ZNF875: variants seen among roughly 807,000 people sequenced by gnomAD.
The protein encoded by ZNF875 is zinc finger protein 875.
A neutral mutation model predicts 11.2 loss-of-function variants in ZNF875; 14 were observed. The ratio of observed to expected loss-of-function variants is 1.26; its 90% confidence interval spans 0.83 to 1.96. The LOEUF (loss-of-function observed/expected upper bound fraction) is 1.96, where lower values mean the gene tolerates loss of function less well. Ranked by LOEUF, ZNF875 falls within the 30% of genes most tolerant of loss-of-function variation. ZNF875 has a pLI of 0.00. For synonymous variants in ZNF875, 301 were observed against 281.1 expected, an observed-to-expected ratio of 1.07 and a Z score of -0.71; for missense variants, 752 against 760.4, an observed-to-expected ratio of 0.99 and a Z score of 0.13.
At chr19:37,337,262 C>G (rs1343590475) in intron 2 of ZNF875, 1 of 152,206 alleles carries the variant, frequency 6.6e-6, no homozygotes, top group Non-Finnish European at 1.5e-5. Flanking sequence ...CTACCTGACC[C>G]CTGAAGGGTT....
chr19:37,359,698 G>T, intron 4 of ZNF875: 1 of 221,366 alleles, frequency 4.5e-6, no homozygotes, highest in Non-Finnish European at 9.0e-6. Flanking sequence ...CACCATGCCT[G>T]GCCCTTTTCA....
At chr19:37,344,615 A>C in intron 2 of ZNF875, 1 of 1,285,968 alleles carries the variant, frequency 7.8e-7, no homozygotes, top group East Asian at 2.3e-5. Context: ...TTCAGCTGGC[A>C]AGCAGATGAA....
intron 2 of ZNF875, among the ~76,000 whole-genome samples, chr19:37,323,304 CCA>C (rs2031846983): frequency 6.6e-6 from 1 of 152,054 alleles, no homozygotes; most frequent in Non-Finnish European, 1.5e-5. Flanking sequence ...CAGGTGCCCA[CCA>C]CCACGCCTGG....
chr19:37,333,605 G>T (rs761913389), upstream of ZNF875, among the ~76,000 whole-genome samples: 17 of 152,056 alleles, frequency 1.1e-4, no homozygotes, highest in Non-Finnish European at 2.4e-4. Flanking sequence ...TTGTGGGTGT[G>T]GCTTTGGAGG....
intron 2 of ZNF875, among the ~76,000 whole-genome samples, chr19:37,323,155 ATT>A (rs552569863): frequency 0.018 from 2,478 of 139,802 alleles, 65 homozygotes; most frequent in African/African-American, 0.067. Context: ...ACGGTCTGAT[ATT>A]TCCTTTTTTT....
chr19:37,333,535 G>A (rs1460862196), upstream of ZNF875, among the ~76,000 whole-genome samples: 1 of 152,220 alleles, frequency 6.6e-6, no homozygotes, highest in East Asian at 1.9e-4. Context: ...GAGGGGGTAG[G>A]GTGTGAAGAT....
At position 37,342,102 on chromosome 19, in the gene ZNF875, A is replaced by G. The variant is rs186125472; in HGVS notation, c.34-5088A>G. Among the ~76,000 whole-genome samples, 164 of 152,330 alleles carry G rather than the reference A, an allele frequency of 1.1e-3. 1 individual carries two copies. The highest frequency in any genetic ancestry group is 3.8e-3 in the African/African-American group (156 of 41,582). On this transcript the variant is annotated intron_variant, in intron 2 of 4. Coordinates refer to ENST00000392153, the MANE Select transcript of ZNF875 (RefSeq NM_001353803.2). The stretch of plus-strand genomic sequence containing the variant: ...GTGTCGGTGCTATGGGACAATGCCC[A>G]TAAGAATCTCAGAAGCCTTTTTGTC...
At chr19:37,334,548 T>C, upstream of ZNF875, 1 of 370,358 alleles carries the variant, frequency 2.7e-6, no homozygotes, top group Non-Finnish European at 5.4e-6. Flanking sequence ...CAAAGCCGAC[T>C]TCTCCGCCTC....
rs1162641113 is a variant in ZNF875 at position 37,362,109 on chromosome 19, A to C, written c.257A>C (p.Glu86Ala). 3 of 1,608,002 alleles carry C rather than the reference A, an allele frequency of 1.9e-6. No individual in the cohort carries two copies. In the African/African-American group the frequency reaches 4.0e-5, roughly 22 times the overall value. ...TCTGAAAATGTTCTTTCTTCAGCAGAATCGAAGCCAGAAATTCAACTTAGT... is the reference window on the plus strand; with the variant it reads ...TCTGAAAATGTTCTTTCTTCAGCAGCATCGAAGCCAGAAATTCAACTTAGT... Reference protein sequence around the residue: ...ERKCPLDLCPESKPEIQLSPS... With the variant: ...ERKCPLDLCPASKPEIQLSPS... The change falls in exon 5 of 5, where the codon GAA (glutamate) becomes GCA (alanine). Residue 86 changes from glutamate to alanine, a missense_variant and splice_region_variant. Transcript: ENST00000392153.
chr19:37,326,377 C>T (rs1298729492), intron 4 of ZNF875, among the ~76,000 whole-genome samples: 1 of 152,128 alleles, frequency 6.6e-6, no homozygotes, highest in Non-Finnish European at 1.5e-5. Flanking sequence ...TCGTGTCCCT[C>T]CTCTCTTCCT....
chr19:37,319,368 T>TATATATATATAA (rs1390266781), intron 1 of ZNF875, among the ~76,000 whole-genome samples: 1 of 144,020 alleles, frequency 6.9e-6, no homozygotes, highest in East Asian at 2.0e-4. Flanking sequence ...TATATATATA[T>TATATATATATAA]AATAAAAATG....
In ZNF875 at chr19:37,323,363, C is replaced by T. The variant is rs189995472; in HGVS notation, c.-698-170C>T. ...TGGAGACGGGGTTTCATCGTGTTGG[C>T]CAGGCTGGTCTCGAACTCCTGACCT... is the stretch of plus-strand genomic sequence containing the variant. On this transcript the variant is annotated intron_variant, in intron 2 of 5. Transcript: ENST00000544914. Among the ~76,000 whole-genome samples, 13 of 152,086 alleles carry T rather than the reference C, an allele frequency of 8.5e-5. No homozygotes were observed. In the East Asian group the frequency reaches 2.5e-3, roughly 30 times the overall value.
upstream of ZNF875, among the ~76,000 whole-genome samples, chr19:37,334,363 C>G (rs1211659071): frequency 6.6e-6 from 1 of 152,240 alleles, no homozygotes; most frequent in African/African-American, 2.4e-5. Flanking sequence ...TGGCCACCCG[C>G]AGAGCACCGG....
intron 1 of ZNF875, 62 bp from the exon 2 acceptor site, chr19:37,335,107 G>A (rs1216171008): frequency 9.1e-6 from 6 of 662,292 alleles, no homozygotes; most frequent in African/African-American, 3.6e-5. Context: ...AGCGGACTGC[G>A]CTTCACTTCG....
At chr19:37,357,330 G>A (rs948897161) in intron 4 of ZNF875, among the ~76,000 whole-genome samples, 34 of 152,088 alleles carry the variant, frequency 2.2e-4, no homozygotes, top group African/African-American at 8.2e-4. Flanking sequence ...ATGAATTTTA[G>A]AATTGTTTTT....
chr19:37,325,988 C>T (rs758508043), intron 4 of ZNF875, among the ~76,000 whole-genome samples: 1 of 151,948 alleles, frequency 6.6e-6, no homozygotes, highest in Non-Finnish European at 1.5e-5. Flanking sequence ...GGATTACACG[C>T]GTGAGCCACT....
intron 4 of ZNF875, among the ~76,000 whole-genome samples, chr19:37,352,530 C>T (rs2038096387): frequency 6.6e-6 from 1 of 152,156 alleles, no homozygotes; most frequent in Admixed American, 6.5e-5. Context: ...AGACGTGAGC[C>T]ACCATGTCTG....
chr19:37,354,241 C>T (rs1336773842), intron 4 of ZNF875, among the ~76,000 whole-genome samples: 11 of 71,024 alleles, frequency 1.5e-4, no homozygotes, highest in Admixed American at 8.6e-4. Flanking sequence ...CTCCTCTCCC[C>T]TCCTCTCCCC....
At chr19:37,333,607 C>CTTTT (rs993585332), upstream of ZNF875, among the ~76,000 whole-genome samples, 2 of 151,906 alleles carry the variant, frequency 1.3e-5, no homozygotes, top group African/African-American at 4.8e-5. Context: ...GTGGGTGTGG[C>CTTTT]TTTGGAGGGA....
Sources: gnomAD v4.1 joint callset for allele counts (sites outside exome capture counted in the v4.1 genomes callset) on GRCh38, gnomAD v4.1.1 for gene constraint, MANE v1.5 for transcripts, NCBI Gene and HGNC (gene_info 2026-07-23, HGNC 2026-07-21) for gene names.